P2RY6: variants seen among roughly 807,000 people sequenced by gnomAD.
P2RY6 encodes the protein pyrimidinergic receptor P2Y6.
P2RY6 carries 19 observed loss-of-function variants against 16.3 expected under a neutral mutation model. The ratio of observed to expected loss-of-function variants is 1.16; its 90% CI spans 0.81 to 1.71. The LOEUF is 1.71. Ranked by LOEUF, P2RY6 falls within the 40% of genes most tolerant of loss-of-function variation. The pLI is 0.00. For synonymous variants in P2RY6, 184 were observed against 201.5 expected, an observed-to-expected ratio of 0.91 and a Z score of 0.74; for missense variants, 389 against 455.5, an observed-to-expected ratio of 0.85 and a Z score of 1.33.
At chr11:73,275,408 T>C (rs1004845234) in intron 1 of P2RY6, among the ~76,000 whole-genome samples, 1 of 152,208 alleles carries the variant, frequency 6.6e-6, no homozygotes, top group African/African-American at 2.4e-5. Context: ...CTGAGTGTCC[T>C]ATCCCTTCTA....
intron 1 of P2RY6, among the ~76,000 whole-genome samples, chr11:73,282,420 G>A (rs1021247719): frequency 6.6e-6 from 1 of 152,166 alleles, no homozygotes; most frequent in African/African-American, 2.4e-5. Context: ...AGGCCTGTTG[G>A]GCCTGGCCCT....
intron 2 of P2RY6, among the ~76,000 whole-genome samples, chr11:73,296,231 A>T (rs1241409466): frequency 9.8e-5 from 12 of 123,046 alleles, no homozygotes; most frequent in East Asian, 2.1e-4. Context: ...AGGAAAAAAA[A>T]AAATATATAT....
upstream of P2RY6, among the ~76,000 whole-genome samples, chr11:73,267,727 G>A (rs1266364553): frequency 1.3e-5 from 2 of 152,186 alleles, no homozygotes; most frequent in Non-Finnish European, 2.9e-5. Context: ...GCGACAAGCA[G>A]GACTGGTAGC....
chr11:73,271,318 G>T (rs977944092), upstream of P2RY6, among the ~76,000 whole-genome samples: 2 of 152,146 alleles, frequency 1.3e-5, no homozygotes, highest in African/African-American at 4.8e-5. Context: ...AGGACGAGCC[G>T]CGGACAAAAC....
At chr11:73,292,738 G>C (rs1591694094) in intron 1 of P2RY6, 1 of 932,060 alleles carries the variant, frequency 1.1e-6, no homozygotes, top group East Asian at 1.2e-4. Flanking sequence ...CAGGGAGCCG[G>C]TGGCCCCCAC....
At chr11:73,272,213 T>C (rs1265250588), upstream of P2RY6, 1 of 271,210 alleles carries the variant, frequency 3.7e-6, no homozygotes, top group Non-Finnish European at 5.6e-6. Flanking sequence ...TCAGCATTGG[T>C]GTAAAGGACT....
chr11:73,292,966 CG>C (rs1393817542), intron 1 of P2RY6: 16 of 18,514 alleles, frequency 8.6e-4, no homozygotes, highest in Non-Finnish European at 1.0e-3. Flanking sequence ...GCAGGGGTTG[CG>C]GGGGGTGGGG....
chr11:73,277,029 A>G (rs898959946), intron 1 of P2RY6, among the ~76,000 whole-genome samples: 4 of 151,808 alleles, frequency 2.6e-5, no homozygotes, highest in African/African-American at 4.8e-5. Flanking sequence ...GAGGAAACCA[A>G]CTCTTCAGGG....
At chr11:73,270,824 G>T (rs529784526), upstream of P2RY6, among the ~76,000 whole-genome samples, 1 of 152,200 alleles carries the variant, frequency 6.6e-6, no homozygotes, top group African/African-American at 2.4e-5. Context: ...CTGGGGGAGG[G>T]TCTCCTCCAG....
chr11:73,296,135 C>T (rs1424082449), intron 2 of P2RY6, among the ~76,000 whole-genome samples: 1 of 151,160 alleles, frequency 6.6e-6, no homozygotes, highest in African/African-American at 2.4e-5. Flanking sequence ...GGGATTCAAA[C>T]CCAAGTCCAT....
chr11:73,275,588 T>C (rs760911088), intron 1 of P2RY6, among the ~76,000 whole-genome samples: 55 of 152,224 alleles, frequency 3.6e-4, no homozygotes, highest in Non-Finnish European at 4.7e-4. Flanking sequence ...GACAGCATGG[T>C]GCAGTCTCAT....
intron 1 of P2RY6, among the ~76,000 whole-genome samples, chr11:73,289,937 A>G (rs933033376): frequency 4.6e-5 from 7 of 152,178 alleles, no homozygotes; most frequent in Non-Finnish European, 1.0e-4. Context: ...AAGAAACAAT[A>G]CTGGCCAGGC....
chr11:73,275,199 C>G (rs111624767), intron 1 of P2RY6, among the ~76,000 whole-genome samples: 11 of 152,248 alleles, frequency 7.2e-5, no homozygotes, highest in African/African-American at 2.2e-4. Context: ...GTACTGAGCT[C>G]CAGGAAGACG....
At chr11:73,291,187 TC>T (rs1292713741) in intron 1 of P2RY6, among the ~76,000 whole-genome samples, 5 of 151,988 alleles carry the variant, frequency 3.3e-5, no homozygotes, top group Admixed American at 3.3e-4. Context: ...GGATTAGGGG[TC>T]TCCAGATCTG....
intron 1 of P2RY6, among the ~76,000 whole-genome samples, chr11:73,278,153 T>C (rs1287090114): frequency 8.8e-6 from 1 of 113,328 alleles, no homozygotes; most frequent in Non-Finnish European, 2.1e-5. Context: ...CTGTTTTATT[T>C]ATTTATTTAT....
At chr11:73,284,284 T>C (rs1427427258) in intron 1 of P2RY6, among the ~76,000 whole-genome samples, 1 of 152,068 alleles carries the variant, frequency 6.6e-6, no homozygotes. Context: ...GGTGTCACCA[T>C]GAATGAGGGA....
At chr11:73,290,343 GAAAGAA>G (rs1565170701) in intron 1 of P2RY6, among the ~76,000 whole-genome samples, 4 of 148,434 alleles carry the variant, frequency 2.7e-5, no homozygotes, top group African/African-American at 1.0e-4. Flanking sequence ...AAGAAAGAAA[GAAAGAA>G]AGAAAGAAAG....
chr11:73,296,416 C>T (rs1025855405), intron 2 of P2RY6, 69 bp from the exon 3 acceptor site: 16 of 1,421,792 alleles, frequency 1.1e-5, no homozygotes, highest in East Asian at 4.6e-5. Context: ...GATCAAGGCC[C>T]GAGGAGGGGC....
At position 73,296,484 on chromosome 11, in the gene P2RY6, GC is replaced by G; in HGVS notation, c.-33del. ...TGACAGGCTGTGTATTGCTTTCCCAGCCTCCCTGAACATAGGAAACCCACCT... is the reference window on the plus strand; with the variant it reads ...TGACAGGCTGTGTATTGCTTTCCCAGCTCCCTGAACATAGGAAACCCACCT... On this transcript the variant is annotated splice_region_variant and 5_prime_UTR_variant, in exon 3 of 3. Transcript: ENST00000540124. 1 of 1,601,246 alleles carries G rather than the reference GC, an allele frequency of 6.2e-7. No individual in the cohort carries two copies. The highest frequency in any genetic ancestry group is 8.5e-7 in the Non-Finnish European group (1 of 1,170,898).
Sources: allele counts gnomAD v4.1 joint callset (sites outside exome capture counted in the v4.1 genomes callset), GRCh38; gene constraint gnomAD v4.1.1; transcripts MANE v1.5; gene names NCBI Gene and HGNC (gene_info 2026-07-23, HGNC 2026-07-21).